SCHIP1: variants seen among roughly 807,000 people sequenced by gnomAD.
SCHIP1 encodes schwannomin interacting protein 1.
Under a neutral mutation model 29.7 loss-of-function variants are expected in SCHIP1, and 8 were observed. The ratio of observed to expected loss-of-function variants is 0.27; its 90% CI spans 0.16 to 0.49. SCHIP1 has a LOEUF of 0.49. SCHIP1 is among the 20% of genes least tolerant of loss of function. The pLI is 0.99. For synonymous variants in SCHIP1, 76 were observed against 94.9 expected (o/e 0.80, Z 1.16); for missense variants, 193 against 294.6 (o/e 0.66, Z 2.52).
the SCHIP1 span, among the ~76,000 whole-genome samples, chr3:159,300,862 A>G: frequency 6.6e-6 from 1 of 152,138 alleles, no homozygotes; most frequent in South Asian, 2.1e-4. Flanking sequence ...TGGAAAAACC[A>G]AATCACCTCC....
the SCHIP1 span, among the ~76,000 whole-genome samples, chr3:159,787,742 A>G: frequency 2.0e-5 from 3 of 152,290 alleles, no homozygotes; most frequent in East Asian, 1.9e-4. Context: ...AAGGGAAGGA[A>G]CACTTTGCAG....
At chr3:159,828,376 C>G in the SCHIP1 span, among the ~76,000 whole-genome samples, 4 of 75,710 alleles carry the variant, frequency 5.3e-5, no homozygotes, top group Non-Finnish European at 9.8e-5. Context: ...TATATATATA[C>G]ATATATATAT....
the SCHIP1 span, among the ~76,000 whole-genome samples, chr3:159,818,074 A>G: frequency 2.0e-5 from 3 of 152,174 alleles, no homozygotes; most frequent in Non-Finnish European, 4.4e-5. Flanking sequence ...ATAATCAGCC[A>G]AGGAGTGTTC....
chr3:159,721,157 A>C, the SCHIP1 span, among the ~76,000 whole-genome samples: 1 of 152,202 alleles, frequency 6.6e-6, no homozygotes, highest in Admixed American at 6.5e-5. Context: ...AGAAGACATG[A>C]TTGCATATAT....
At chr3:159,293,801 T>C in the SCHIP1 span, among the ~76,000 whole-genome samples, 1 of 152,100 alleles carries the variant, frequency 6.6e-6, no homozygotes, top group Admixed American at 6.6e-5. Context: ...CAAAAAATAA[T>C]TCTCTCTCGG....
chr3:159,571,337 G>A, the SCHIP1 span, among the ~76,000 whole-genome samples: 1 of 152,148 alleles, frequency 6.6e-6, no homozygotes, highest in Non-Finnish European at 1.5e-5. Context: ...TTTTTAGCAT[G>A]AAGATCTGTT....
the SCHIP1 span, among the ~76,000 whole-genome samples, chr3:159,479,966 A>G: frequency 6.6e-6 from 1 of 152,220 alleles, no homozygotes; most frequent in Non-Finnish European, 1.5e-5. Context: ...TGTTAGGCTC[A>G]GAGGTTATGA....
chr3:159,765,283 C>A, the SCHIP1 span: 1 of 939,074 alleles, frequency 1.1e-6, no homozygotes, highest in Non-Finnish European at 1.5e-6. Flanking sequence ...GAGAGCCTGC[C>A]GTCTGCTCCC....
At chr3:159,735,256 G>A in the SCHIP1 span, among the ~76,000 whole-genome samples, 17 of 149,096 alleles carry the variant, frequency 1.1e-4, no homozygotes, top group East Asian at 3.3e-3. Context: ...CTGAGATGGA[G>A]TCTTGCTCTG....
At chr3:159,584,700 A>G in the SCHIP1 span, among the ~76,000 whole-genome samples, 2 of 152,118 alleles carry the variant, frequency 1.3e-5, no homozygotes, top group East Asian at 1.9e-4. Context: ...AGCAACATCA[A>G]TATCACCTGG....
At chr3:159,277,674 C>A in the SCHIP1 span, among the ~76,000 whole-genome samples, 1 of 146,364 alleles carries the variant, frequency 6.8e-6, no homozygotes, top group South Asian at 2.2e-4. Flanking sequence ...GTAACCCCAG[C>A]ACTTTGGGAG....
At chr3:159,518,640 C>A in the SCHIP1 span, among the ~76,000 whole-genome samples, 2,458 of 152,070 alleles carry the variant, frequency 0.016, 75 homozygotes, top group African/African-American at 0.057. Context: ...GAGTGTTAAA[C>A]ATAAAATACT....
chr3:159,285,334 AATAG>A, the SCHIP1 span, among the ~76,000 whole-genome samples: 3 of 152,274 alleles, frequency 2.0e-5, no homozygotes, highest in East Asian at 5.8e-4. Context: ...ATAGATAACA[AATAG>A]ATAGATATCT....
At chr3:159,593,550 C>A in the SCHIP1 span, among the ~76,000 whole-genome samples, 1 of 152,170 alleles carries the variant, frequency 6.6e-6, no homozygotes, top group East Asian at 1.9e-4. Flanking sequence ...ATCTGTAATG[C>A]CCCTTCTGGT....
upstream of SCHIP1, among the ~76,000 whole-genome samples, chr3:159,836,026 C>A (rs1324078391): frequency 6.6e-6 from 1 of 152,316 alleles, no homozygotes; most frequent in East Asian, 1.9e-4. Context: ...GGTAGACCCA[C>A]GCTGCAGCTT....
At chr3:159,529,353 G>C in the SCHIP1 span, among the ~76,000 whole-genome samples, 526 of 152,298 alleles carry the variant, frequency 3.5e-3, 3 homozygotes, top group African/African-American at 0.012. Flanking sequence ...CTAGCCAGGG[G>C]AGAGTCCCAA....
At chr3:159,411,680 T>C in the SCHIP1 span, among the ~76,000 whole-genome samples, 1 of 152,212 alleles carries the variant, frequency 6.6e-6, no homozygotes, top group African/African-American at 2.4e-5. Context: ...AGTACTTGCA[T>C]ATTTGAATCA....
the SCHIP1 span, among the ~76,000 whole-genome samples, chr3:159,495,202 AG>A: frequency 1.3e-4 from 20 of 152,358 alleles, no homozygotes; most frequent in Non-Finnish European, 2.5e-4. Flanking sequence ...GGCACAAGAC[AG>A]GGATGCCCTC....
the SCHIP1 span, among the ~76,000 whole-genome samples, chr3:159,805,809 T>A: frequency 7.8e-6 from 1 of 128,182 alleles, no homozygotes; most frequent in Non-Finnish European, 1.7e-5. Context: ...ATTGTACTCC[T>A]TTTTTTTTTT....
Sources: gnomAD v4.1 joint callset for allele counts (sites outside exome capture counted in the v4.1 genomes callset) on GRCh38, gnomAD v4.1.1 for gene constraint, MANE v1.5 for transcripts, NCBI Gene and HGNC (gene_info 2026-07-23, HGNC 2026-07-21) for gene names.